The following AIG1 variants were observed in gnomAD, a reference collection of about 807,000 sequenced individuals.
The protein encoded by AIG1 is androgen induced 1, also known as androgen-induced gene 1 protein.
Under a neutral mutation model 31.4 loss-of-function variants are expected in AIG1, and 23 were observed. The ratio of observed to expected loss-of-function variants is 0.73; its 90% CI spans 0.53 to 1.04. AIG1 has a LOEUF of 1.04. Among genes scored for constraint, AIG1 ranks in the 50% least tolerant of loss-of-function variants. AIG1 has a pLI of 0.00. For synonymous variants in AIG1, 100 were observed against 110.5 expected (o/e 0.90, Z 0.60); for missense variants, 274 against 295.0 (o/e 0.93, Z 0.52).
At position 143,279,063 on chromosome 6, in the gene AIG1, T is replaced by C. The variant is rs527894643; in HGVS notation, c.400-5047T>C. ...GCTTTTGTAGATTTTAAGCACTTTG[T>C]GTTAGTGAGTCCCTTCTTACATTAG... is the stretch of plus-strand genomic sequence containing the variant. On this transcript the variant is annotated intron_variant, in intron 3 of 5. Coordinates refer to ENST00000357847, the MANE Select transcript of AIG1 (RefSeq NM_016108.4). The surrounding 1 kb of genome is among the most constrained non-coding windows in gnomAD (Gnocchi z 5.4). 6.6e-6 allele frequency among the ~76,000 whole-genome samples: 1 copy of C among 152,296 alleles called. No individual in the cohort carries two copies. Among genetic ancestry groups the C allele is most frequent in the Admixed American group, 6.5e-5 (1 of 15,306 alleles).
chr6:143,292,199 C>T lies in AIG1; in HGVS notation c.515+7974C>T, dbSNP rs772840328. 1.4e-4 allele frequency among the ~76,000 whole-genome samples: 21 copies of T among 152,320 alleles called. No homozygotes were observed. Among genetic ancestry groups the T allele is most frequent in the Middle Eastern group, 6.8e-3 (2 of 294 alleles). On this transcript the variant is annotated intron_variant, in intron 4 of 5. Coordinates refer to ENST00000357847, the MANE Select transcript of AIG1 (RefSeq NM_016108.4). The surrounding 1 kb of genome is among the most constrained non-coding windows in gnomAD (Gnocchi z 4.9). ...CACCACAAGCCCCCAAAGATATCCACATCCTAAAATCCCCAGAACTTGTGG... is the reference window on the plus strand; with the variant it reads ...CACCACAAGCCCCCAAAGATATCCATATCCTAAAATCCCCAGAACTTGTGG...
At chr6:143,102,500 TATG>T (rs1437181564) in intron 1 of AIG1, among the ~76,000 whole-genome samples, 19 of 147,254 alleles carry the variant, frequency 1.3e-4, no homozygotes, top group African/African-American at 1.7e-4. Flanking sequence ...AAATATATAA[TATG>T]ATACATAATA....
chr6:143,289,108 C>T (rs1797884323), intron 4 of AIG1, among the ~76,000 whole-genome samples: 1 of 152,124 alleles, frequency 6.6e-6, no homozygotes, highest in South Asian at 2.1e-4. Flanking sequence ...TAAATGGCAT[C>T]AGGCTCTTTG....
intron 3 of AIG1, among the ~76,000 whole-genome samples, chr6:143,255,579 T>G (rs1171264476): frequency 6.6e-6 from 1 of 152,204 alleles, no homozygotes; most frequent in Non-Finnish European, 1.5e-5. Context: ...ATAGTCACTG[T>G]GGGGGTTAAT....
intron 3 of AIG1, among the ~76,000 whole-genome samples, chr6:143,191,191 A>C (rs568901096): frequency 6.6e-6 from 1 of 152,266 alleles, no homozygotes; most frequent in South Asian, 2.1e-4. Flanking sequence ...ACGCACACTT[A>C]ACTCTAATGG....
chr6:143,152,235 T>C (rs1159511317), intron 2 of AIG1, among the ~76,000 whole-genome samples: 1 of 152,250 alleles, frequency 6.6e-6, no homozygotes, highest in Non-Finnish European at 1.5e-5. Context: ...TTTTACTAGA[T>C]TGGATTAAAT....
intron 3 of AIG1, among the ~76,000 whole-genome samples, chr6:143,223,661 T>G (rs1217098561): frequency 6.6e-6 from 1 of 152,204 alleles, no homozygotes; most frequent in Non-Finnish European, 1.5e-5. Context: ...TTTGGTTTAA[T>G]GTACTTGAAT....
intron 3 of AIG1, chr6:143,187,765 A>G (rs1789403856): frequency 6.6e-7 from 1 of 1,520,538 alleles, no homozygotes; most frequent in African/African-American, 1.4e-5. Context: ...GCTCTGCACA[A>G]GAAGGACATT....
At chr6:143,161,539 A>ATG (rs1554252515) in intron 2 of AIG1, among the ~76,000 whole-genome samples, 136 of 150,060 alleles carry the variant, frequency 9.1e-4, no homozygotes, top group African/African-American at 3.1e-3. Context: ...TTATATATAT[A>ATG]TGTGTGTATA....
At chr6:143,125,369 A>T (rs1243354961) in intron 1 of AIG1, among the ~76,000 whole-genome samples, 1 of 152,250 alleles carries the variant, frequency 6.6e-6, no homozygotes, top group Non-Finnish European at 1.5e-5. Flanking sequence ...CTGGTTTCAT[A>T]GTGTGCCTTT....
chr6:143,179,134 C>T (rs1403210254), intron 3 of AIG1, among the ~76,000 whole-genome samples: 1 of 152,048 alleles, frequency 6.6e-6, no homozygotes, highest in Non-Finnish European at 1.5e-5. Flanking sequence ...GTCACTAGAC[C>T]ACTGTCAGGA....
At chr6:143,124,614 G>A (rs758769959) in intron 1 of AIG1, among the ~76,000 whole-genome samples, 5 of 152,170 alleles carry the variant, frequency 3.3e-5, no homozygotes, top group Admixed American at 6.5e-5. Context: ...TTCTCACACT[G>A]CTATGAAGAA....
chr6:143,342,910 G>C, downstream of AIG1: 2 of 894,946 alleles, frequency 2.2e-6, no homozygotes, highest in Admixed American at 3.4e-5. Context: ...ATTTCACATG[G>C]CAGCAAATAT....
chr6:143,159,267 T>G (rs1786096516), intron 2 of AIG1, among the ~76,000 whole-genome samples: 1 of 152,224 alleles, frequency 6.6e-6, no homozygotes, highest in Non-Finnish European at 1.5e-5. Context: ...AGACAGAACA[T>G]GGCACAGGCC....
chr6:143,083,942 G>A (rs975028764), intron 1 of AIG1, among the ~76,000 whole-genome samples: 1 of 152,136 alleles, frequency 6.6e-6, no homozygotes, highest in African/African-American at 2.4e-5. Context: ...AAAGGAGTGG[G>A]GCTTTCAGGC....
chr6:143,244,046 A>T lies in AIG1; in HGVS notation c.400-40064A>T, dbSNP rs538082126. Among the ~76,000 whole-genome samples, 82 of 152,362 alleles carry T rather than the reference A, an allele frequency of 5.4e-4. 1 individual carries two copies. The highest frequency in any genetic ancestry group is 7.9e-4 in the Non-Finnish European group (54 of 68,050). ...TATGATCAGCACTAGTAACGCAAAG[A>T]TGAGTACACATGACACCTGCCCTCA... On this transcript the variant is annotated intron_variant, in intron 3 of 5. Transcript: ENST00000357847.
rs9484712 is a variant in AIG1, at chr6:143,234,432, C to T, written c.400-49678C>T. Reference sequence around the variant, plus strand: ...ATGCCATAAATATCCTAAGGGAGTTCCCCAAAGAAAAGAGAAAATCCTTCA... The same window carrying T: ...ATGCCATAAATATCCTAAGGGAGTTTCCCAAAGAAAAGAGAAAATCCTTCA... On this transcript the variant is annotated intron_variant, in intron 3 of 5. Coordinates refer to ENST00000357847, the MANE Select transcript of AIG1 (RefSeq NM_016108.4). Among the ~76,000 whole-genome samples, 877 of 152,242 alleles carry T rather than the reference C, an allele frequency of 5.8e-3. 11 individuals are homozygous for T. Among genetic ancestry groups the T allele is most frequent in the African/African-American group, 0.02 (829 of 41,534 alleles).
rs548361621 is a variant in AIG1, at chr6:143,113,214, A to T, written c.142-23621A>T. 1.4e-4 allele frequency among the ~76,000 whole-genome samples: 21 copies of T among 152,096 alleles called. No individual in the cohort carries two copies. In the East Asian group the frequency reaches 3.5e-3, roughly 25 times the overall value. On this transcript the variant is annotated intron_variant, in intron 1 of 5. Coordinates refer to ENST00000357847, the MANE Select transcript of AIG1 (RefSeq NM_016108.4). ...AGACCCTGTCTCAAAAAAGAAAAAA[A>T]AAAAGAGAAAAAAGGCGTTTGCCTT...
intron 1 of AIG1, among the ~76,000 whole-genome samples, chr6:143,098,565 C>T (rs1779990100): frequency 6.6e-6 from 1 of 152,226 alleles, no homozygotes; most frequent in Non-Finnish European, 1.5e-5. Context: ...GCTTTAAATA[C>T]ATTCTATCTG....
Sources: allele counts gnomAD v4.1 joint callset (sites outside exome capture counted in the v4.1 genomes callset), GRCh38; gene constraint gnomAD v4.1.1; non-coding constraint Gnocchi (gnomAD v3.1); transcripts MANE v1.5; gene names NCBI Gene and HGNC (gene_info 2026-07-23, HGNC 2026-07-21).